The following L3MBTL4 variants were observed in gnomAD, a reference collection of about 807,000 sequenced individuals.
L3MBTL4 encodes lethal(3)malignant brain tumor-like protein 4.
Under a neutral mutation model 84.5 loss-of-function variants are expected in L3MBTL4, and 70 were observed. The ratio of observed to expected loss-of-function variants is 0.83; its 90% CI spans 0.68 to 1.01. The LOEUF (loss-of-function observed/expected upper bound fraction) is 1.01. L3MBTL4 is among the 50% of genes least tolerant of loss of function. The pLI, the probability that L3MBTL4 is intolerant of heterozygous loss-of-function variation, is 0.00. For missense variants in L3MBTL4, 715 were observed against 754.8 expected (o/e 0.95, Z 0.62); for synonymous variants, 274 against 259.8 (o/e 1.05, Z -0.52).
intron 16 of L3MBTL4, among the ~76,000 whole-genome samples, chr18:6,023,358 T>TA (rs759612928): frequency 1.1e-4 from 16 of 152,320 alleles, no homozygotes; most frequent in Non-Finnish European, 1.9e-4. Flanking sequence ...CTATTTTTTT[T>TA]AATAGTCCTT....
rs139740952 is a variant in L3MBTL4, at chr18:6,077,149, C to T, written c.1444+3732G>A. ...CTCGCGGTGTTGCCAAACACATAAA[C>T]TCTATGTTCATGCATTATTTTACTT... On this transcript the variant is annotated intron_variant, in intron 16 of 18. Transcript: ENST00000317931. Among the ~76,000 whole-genome samples, 405 of 152,332 alleles carry T rather than the reference C, an allele frequency of 2.7e-3. 1 individual carries two copies. The highest frequency in any genetic ancestry group is 9.4e-3 in the African/African-American group (390 of 41,568).
intron 1 of L3MBTL4, among the ~76,000 whole-genome samples, chr18:6,363,440 G>A (rs188161737): frequency 4.3e-4 from 65 of 152,190 alleles, no homozygotes; most frequent in African/African-American, 1.5e-3. Context: ...GTCCACTCAA[G>A]TACGTGTATT....
At chr18:6,314,167 A>G (rs2050977029) in intron 1 of L3MBTL4, among the ~76,000 whole-genome samples, 1 of 152,222 alleles carries the variant, frequency 6.6e-6, no homozygotes, top group African/African-American at 2.4e-5. Flanking sequence ...ATTCTACTCA[A>G]CCGAATAGGA....
chr18:6,332,271 T>A (rs528092724), intron 1 of L3MBTL4, among the ~76,000 whole-genome samples: 2 of 152,328 alleles, frequency 1.3e-5, no homozygotes, highest in African/African-American at 4.8e-5. Flanking sequence ...GTTTTAACTA[T>A]CCTCCTCTTG....
intron 1 of L3MBTL4, among the ~76,000 whole-genome samples, chr18:6,317,337 A>T (rs2051158379): frequency 6.6e-6 from 1 of 152,166 alleles, no homozygotes; most frequent in South Asian, 2.1e-4. Flanking sequence ...GTGAAAACTA[A>T]CATAAAGAAA....
intron 4 of L3MBTL4, among the ~76,000 whole-genome samples, chr18:6,299,616 G>A (rs1212542248): frequency 6.6e-6 from 1 of 152,124 alleles, no homozygotes; most frequent in Non-Finnish European, 1.5e-5. Flanking sequence ...GATTTCCAAA[G>A]AAACACATGC....
intron 1 of L3MBTL4, among the ~76,000 whole-genome samples, chr18:6,371,002 G>T (rs972799282): frequency 6.6e-6 from 1 of 152,144 alleles, no homozygotes; most frequent in Admixed American, 6.5e-5. Flanking sequence ...GCCAAGGAGG[G>T]TTCTGTCCAG....
At position 6,004,416 on chromosome 18, in the gene L3MBTL4, A is replaced by G. The variant is rs188033186; in HGVS notation, c.1445-34854T>C. 5.0e-3 allele frequency among the ~76,000 whole-genome samples: 758 copies of G among 152,326 alleles called. 6 individuals carry two copies. Among genetic ancestry groups the G allele is most frequent in the Admixed American group, 7.3e-3 (111 of 15,292 alleles). ...CCTTGTTAAAGATAAGCCCTGGACG[A>G]GACTGCTTCACTGGTGAATTTTACC... On this transcript the variant is annotated intron_variant, in intron 16 of 18. Coordinates refer to ENST00000317931, the MANE Select transcript of L3MBTL4 (RefSeq NM_001330559.2).
intron 5 of L3MBTL4, among the ~76,000 whole-genome samples, chr18:6,254,412 C>CTTTTTTTTTTTTTT (rs763440464): frequency 8.9e-6 from 1 of 112,724 alleles, no homozygotes; most frequent in African/African-American, 3.6e-5. Context: ...AAAGTGACAC[C>CTTTTTTTTTTTTTT]TTTTTTTTTT....
chr18:6,190,757 G>A (rs568229841), intron 12 of L3MBTL4, among the ~76,000 whole-genome samples: 9 of 152,276 alleles, frequency 5.9e-5, no homozygotes, highest in African/African-American at 9.6e-5. Flanking sequence ...GGTGAGAGCC[G>A]AGTTAGGGGG....
At chr18:6,079,504 T>A (rs1226290759) in intron 16 of L3MBTL4, among the ~76,000 whole-genome samples, 1 of 152,246 alleles carries the variant, frequency 6.6e-6, no homozygotes, top group Non-Finnish European at 1.5e-5. Context: ...ACAAGTGCAT[T>A]CTGAGCATCT....
intron 13 of L3MBTL4, among the ~76,000 whole-genome samples, chr18:6,157,257 T>C (rs1001746515): frequency 3.9e-5 from 6 of 152,222 alleles, no homozygotes; most frequent in African/African-American, 1.4e-4. Context: ...AAAGATTCCT[T>C]GTGAAATTCT....
At chr18:6,179,866 G>A (rs2044388923) in intron 12 of L3MBTL4, among the ~76,000 whole-genome samples, 1 of 152,182 alleles carries the variant, frequency 6.6e-6, no homozygotes, top group African/African-American at 2.4e-5. Context: ...TCAAACTCCT[G>A]TTCTCAAGTG....
At chr18:6,160,204 AC>A (rs1478396457) in intron 13 of L3MBTL4, among the ~76,000 whole-genome samples, 2 of 151,854 alleles carry the variant, frequency 1.3e-5, no homozygotes, top group Non-Finnish European at 2.9e-5. Context: ...AAATACAAAG[AC>A]CCCACCCTAG....
intron 1 of L3MBTL4, among the ~76,000 whole-genome samples, chr18:6,398,746 G>C (rs2055383876): frequency 1.3e-5 from 2 of 150,570 alleles, no homozygotes; most frequent in Admixed American, 6.6e-5. Flanking sequence ...TTCATTGCGG[G>C]GGGGCGGGGG....
chr18:6,321,113 A>G (rs1225070866), intron 1 of L3MBTL4, among the ~76,000 whole-genome samples: 1 of 152,186 alleles, frequency 6.6e-6, no homozygotes, highest in East Asian at 1.9e-4. Context: ...CTATGACCTG[A>G]AGCTATAAAA....
At chr18:6,181,743 T>C (rs2044481468) in intron 12 of L3MBTL4, among the ~76,000 whole-genome samples, 1 of 151,766 alleles carries the variant, frequency 6.6e-6, no homozygotes, top group Non-Finnish European at 1.5e-5. Context: ...CTTTCACTTA[T>C]AAGTGAGAAT....
chr18:6,345,932 T>C (rs1463380944), intron 1 of L3MBTL4, among the ~76,000 whole-genome samples: 4 of 151,258 alleles, frequency 2.6e-5, no homozygotes, highest in African/African-American at 9.7e-5. Flanking sequence ...ACATTGCAAA[T>C]CTATAATAAT....
At chr18:6,133,219 T>C (rs2059926516) in intron 14 of L3MBTL4, among the ~76,000 whole-genome samples, 1 of 151,934 alleles carries the variant, frequency 6.6e-6, no homozygotes, top group Non-Finnish European at 1.5e-5. Context: ...TGCTGTCCAA[T>C]ACAGTAGCCA....
Sources: allele counts gnomAD v4.1 joint callset (sites outside exome capture counted in the v4.1 genomes callset), GRCh38; gene constraint gnomAD v4.1.1; transcripts MANE v1.5; gene names NCBI Gene and HGNC (gene_info 2026-07-23, HGNC 2026-07-21).